The following WDR49 variants were observed in gnomAD, a reference collection of about 807,000 sequenced individuals.
WDR49 encodes cilia- and flagella-associated protein 337.
WDR49 carries 107 observed loss-of-function variants against 119.5 expected under a neutral mutation model. The observed-to-expected ratio is 0.90, with a 90% CI of 0.77 to 1.05. WDR49 has a LOEUF of 1.05. Among genes scored for constraint, WDR49 ranks in the 50% least tolerant of loss-of-function variants. WDR49 has a pLI of 0.00. For missense variants in WDR49, 1,240 were observed against 1,220.5 expected, an observed-to-expected ratio of 1.02 and a Z score of -0.24; for synonymous variants, 425 against 418.8, an observed-to-expected ratio of 1.01 and a Z score of -0.18.
At chr3:167,603,422 T>C (rs1715874993) in intron 6 of WDR49, among the ~76,000 whole-genome samples, 1 of 152,178 alleles carries the variant, frequency 6.6e-6, no homozygotes. Flanking sequence ...TCCTTGAAGA[T>C]TTGATGTTGG....
At chr3:167,612,871 T>G (rs553162682) in intron 5 of WDR49, among the ~76,000 whole-genome samples, 1 of 152,074 alleles carries the variant, frequency 6.6e-6, no homozygotes, top group Non-Finnish European at 1.5e-5. Flanking sequence ...CTCATGAACA[T>G]AGAGAGTGGA....
At chr3:167,648,844 T>C (rs1559932387) in intron 2 of WDR49, among the ~76,000 whole-genome samples, 1 of 152,188 alleles carries the variant, frequency 6.6e-6, no homozygotes, top group Non-Finnish European at 1.5e-5. Flanking sequence ...CCATTAGAAA[T>C]ACCTGCTTTT....
At chr3:167,604,648 G>A (rs1212250246) in intron 5 of WDR49, among the ~76,000 whole-genome samples, 180 bp from the exon 6 acceptor site, 1 of 152,080 alleles carries the variant, frequency 6.6e-6, no homozygotes, top group Non-Finnish European at 1.5e-5. Flanking sequence ...GAATTCCATT[G>A]AGAAGTTACA....
Position 167,535,014 on chromosome 3 carries a change from G to A in WDR49, c.1954+1856C>T, listed in dbSNP as rs112537795. On this transcript the variant is annotated intron_variant, in intron 11 of 18. Transcript: ENST00000682715. The stretch of plus-strand genomic sequence containing the variant: ...TAATATTTATGGATGAGCTTATTGT[G>A]TGCTGAGCACTGTGTTAAATGCTTG... Among the ~76,000 whole-genome samples, 714 of 152,286 alleles carry A rather than the reference G, an allele frequency of 4.7e-3. 5 individuals are homozygous for A. The highest frequency in any genetic ancestry group is 0.016 in the African/African-American group (675 of 41,558).
At chr3:167,541,811 C>T (rs1365093824) in intron 10 of WDR49, among the ~76,000 whole-genome samples, 10 of 151,944 alleles carry the variant, frequency 6.6e-5, no homozygotes, top group Admixed American at 6.6e-4. Flanking sequence ...AAGAGACTCA[C>T]CTAACATATA....
intron 2 of WDR49, 122 bp downstream of exon 2, chr3:167,653,139 T>G: frequency 1.7e-6 from 2 of 1,169,398 alleles, no homozygotes; most frequent in South Asian, 2.9e-5. Flanking sequence ...CAATTATTTT[T>G]AATTCTCTGC....
intron 16 of WDR49, among the ~76,000 whole-genome samples, chr3:167,506,479 T>C (rs1336561805): frequency 6.6e-6 from 1 of 152,208 alleles, no homozygotes; most frequent in Admixed American, 6.5e-5. Context: ...AAGTAAAAAG[T>C]CTGTGTATCT....
intron 14 of WDR49, 74 bp downstream of exon 14, chr3:167,528,978 C>T (rs1182534298): frequency 3.5e-5 from 45 of 1,288,048 alleles, no homozygotes; most frequent in Non-Finnish European, 4.0e-5. Flanking sequence ...ACAGACAAGG[C>T]TTGATTCATA....
At chr3:167,579,252 A>G (rs1714414579) in intron 7 of WDR49, among the ~76,000 whole-genome samples, 1 of 152,140 alleles carries the variant, frequency 6.6e-6, no homozygotes, top group African/African-American at 2.4e-5. Context: ...GGTAGTGTTC[A>G]ATAAATATTT....
At chr3:167,490,047 G>C (rs1751072411) in intron 18 of WDR49, among the ~76,000 whole-genome samples, 1 of 152,074 alleles carries the variant, frequency 6.6e-6, no homozygotes, top group South Asian at 2.1e-4. Context: ...CCCACATCTT[G>C]AGGTCAAGCT....
intron 10 of WDR49, among the ~76,000 whole-genome samples, chr3:167,551,078 T>C (rs948725817): frequency 1.1e-4 from 16 of 152,050 alleles, no homozygotes; most frequent in African/African-American, 3.9e-4. Flanking sequence ...ATTTGGGACT[T>C]CTTTTTACTG....
At chr3:167,655,198 A>G (rs1718560886), upstream of WDR49, among the ~76,000 whole-genome samples, 1 of 152,210 alleles carries the variant, frequency 6.6e-6, no homozygotes, top group Non-Finnish European at 1.5e-5. Context: ...TTATAAAACC[A>G]TCAGATCTCA....
At chr3:167,612,913 G>A (rs1716410523) in intron 5 of WDR49, among the ~76,000 whole-genome samples, 2 of 152,152 alleles carry the variant, frequency 1.3e-5, no homozygotes, top group African/African-American at 2.4e-5. Flanking sequence ...GAATGGTAGT[G>A]GGGGCCTAGC....
rs114613990 is a variant in WDR49 at position 167,555,673 on chromosome 3, T to A, written c.1675-875A>T. On this transcript the variant is annotated intron_variant, in intron 9 of 18. Transcript: ENST00000682715. ...CACCCAACTGGTGTCCTCTGTAAAATCTACCACAGAATTGGTGTGTGGGAA... is the reference window on the plus strand; with the variant it reads ...CACCCAACTGGTGTCCTCTGTAAAAACTACCACAGAATTGGTGTGTGGGAA... Among the ~76,000 whole-genome samples the A allele has an allele frequency of 8.6e-3, 1,312 of 152,194 alleles. 20 individuals carry two copies. The highest frequency in any genetic ancestry group is 0.03 in the African/African-American group (1,253 of 41,542).
chr3:167,635,391 AT>A (rs1717564426), intron 2 of WDR49, among the ~76,000 whole-genome samples: 3 of 151,886 alleles, frequency 2.0e-5, no homozygotes, highest in African/African-American at 7.2e-5. Flanking sequence ...GTATAGTTCT[AT>A]TAGTAATAAG....
intron 7 of WDR49, among the ~76,000 whole-genome samples, chr3:167,598,384 C>T (rs7613496): frequency 0.35 from 53,115 of 151,962 alleles, 11,035 homozygotes; most frequent in African/African-American, 0.59. Flanking sequence ...ATGACATGAT[C>T]TGGCTCTGTG....
In WDR49 at chr3:167,537,016, T is replaced by C. The variant is rs778976500; in HGVS notation, c.1824-16A>G. 4.5e-6 allele frequency: 7 copies of C among 1,563,916 alleles called. No individual in the cohort carries two copies. The highest frequency in any genetic ancestry group is 1.4e-5 in the African/African-American group (1 of 72,506). On this transcript the variant is annotated splice_polypyrimidine_tract_variant and intron_variant, in intron 10 of 18. Transcript: ENST00000682715. ...AGTAATAGCCCTAGCAAAAAGGATA[T>C]AGAATTTAGCTGTGGATCTAAAATT...
At position 167,501,808 on chromosome 3, in the gene WDR49, GGC is replaced by G; in HGVS notation, c.2885-1511_2885-1510del. Among the ~76,000 whole-genome samples the G allele has an allele frequency of 1.3e-5, 2 of 152,042 alleles. 1 individual carries two copies. The highest frequency in any genetic ancestry group is 4.1e-4 in the South Asian group (2 of 4,826). On this transcript the variant is annotated intron_variant, in intron 17 of 18. Coordinates refer to ENST00000682715, the MANE Select transcript of WDR49 (RefSeq NM_001366157.1). ...ACTAGACTAATGCATTGTTCTGTGTGGCTTCAGGATTTCTGACGAGCAAAAAT... is the reference window on the plus strand; with the variant it reads ...ACTAGACTAATGCATTGTTCTGTGTGTTCAGGATTTCTGACGAGCAAAAAT...
rs1476866307 is a variant in WDR49, at chr3:167,478,926, C to G, written c.3102G>C (p.Lys1034Asn). 6 of 1,609,192 alleles carry G rather than the reference C, an allele frequency of 3.7e-6. No individual in the cohort carries two copies. The highest frequency in any genetic ancestry group is 5.1e-6 in the Non-Finnish European group (6 of 1,178,886). The change falls in exon 19 of 19, where the codon AAG (lysine) becomes AAC (asparagine). Residue 1034 changes from lysine to asparagine, a missense_variant. Lys to Asn is a moderately conservative substitution (Grantham distance 94, BLOSUM62 0). Transcript: ENST00000682715. Reference protein sequence around the residue: ...KEILHHERKAKQLCQEKSCEV... With the variant: ...KEILHHERKANQLCQEKSCEV... ...CACAACTTTTTTCTTGGCATAATTG[C>G]TTGGCTTTTCGTTCATGATGCAGAA... is the stretch of plus-strand genomic sequence containing the variant.
Sources: gnomAD v4.1 joint callset for allele counts (sites outside exome capture counted in the v4.1 genomes callset) on GRCh38, gnomAD v4.1.1 for gene constraint, MANE v1.5 for transcripts, NCBI Gene and HGNC (gene_info 2026-07-23, HGNC 2026-07-21) for gene names.